Variants in WDR4 observed in about 807,000 individuals in gnomAD.
The protein encoded by WDR4 is WDR4 tRNA N7-guanosine methyltransferase non-catalytic subunit.
In WDR4, 47 loss-of-function variants were observed where a neutral mutation model predicts 48.6. The ratio of observed to expected loss-of-function variants is 0.97; its 90% CI spans 0.77 to 1.23. The LOEUF (loss-of-function observed/expected upper bound fraction) is 1.23. Ranked by LOEUF, WDR4 falls within the 50% of genes most tolerant of loss-of-function variation. The pLI, the probability that WDR4 is intolerant of heterozygous loss-of-function variation, is 0.00. For missense variants in WDR4, 606 were observed against 551.6 expected, an observed-to-expected ratio of 1.10 and a Z score of -0.99; for synonymous variants, 268 against 230.0, an observed-to-expected ratio of 1.17 and a Z score of -1.49.
chr21:42,848,357 C>A (rs1439712446), downstream of WDR4, among the ~76,000 whole-genome samples: 1 of 149,912 alleles, frequency 6.7e-6, no homozygotes, highest in African/African-American at 2.5e-5. Context: ...ACACACACAG[C>A]GCACGATCAC....
intron 3 of WDR4, among the ~76,000 whole-genome samples, chr21:42,863,823 C>G (rs918296858): frequency 1.3e-5 from 2 of 151,580 alleles, no homozygotes; most frequent in Non-Finnish European, 2.9e-5. Flanking sequence ...AAAATTGCTC[C>G]TAGCCGGGCG....
In WDR4 at chr21:42,862,314, A is replaced by G; in HGVS notation, c.534T>C (p.His178=). The G allele has an allele frequency of 6.2e-7, 1 of 1,611,196 alleles. No individual in the cohort carries two copies. Among genetic ancestry groups the G allele is most frequent in the South Asian group, 1.1e-5 (1 of 90,412 alleles). The part of the protein sequence containing the change: ...KIRVSWAAAP[H]SIESFCLGHT... ...GCCCCAAGCAGAAGGACTCGATGCT[A>G]TGGGGCGCCGCGGCCCAGCTGACTC... The change falls in exon 5 of 11, where the codon CAT becomes CAC. Residue 178 remains histidine, a synonymous_variant. Transcript: ENST00000398208. This position sits in a 1 kb window ranked among gnomAD's most constrained non-coding sequence, Gnocchi z 4.3.
chr21:42,863,391 C>A (rs200409632), intron 4 of WDR4, 49 bp downstream of exon 4: 13 of 1,580,444 alleles, frequency 8.2e-6, no homozygotes, highest in African/African-American at 6.8e-5. Flanking sequence ...CCCCCATGTA[C>A]CGTGTCCCAC....
intron 3 of WDR4, among the ~76,000 whole-genome samples, chr21:42,867,853 C>A (rs2058283228): frequency 6.6e-6 from 1 of 152,068 alleles, no homozygotes; most frequent in African/African-American, 2.4e-5. Context: ...GCATGAGCCA[C>A]CATGCCAGCC....
At chr21:42,861,178 G>C (rs995922787) in intron 5 of WDR4, among the ~76,000 whole-genome samples, 2 of 152,160 alleles carry the variant, frequency 1.3e-5, no homozygotes, top group South Asian at 4.1e-4. Flanking sequence ...GCCGGGCGTG[G>C]TGGCAGGGGC....
chr21:42,883,056 G>A (rs535867290), upstream of WDR4, among the ~76,000 whole-genome samples: 2 of 139,322 alleles, frequency 1.4e-5, no homozygotes, highest in South Asian at 2.2e-4. Context: ...CCGAGATCAT[G>A]CCACTGCACT....
Position 42,863,349 on chromosome 21 carries a change from CAT to C in WDR4, c.453+89_453+90del. On this transcript the variant is annotated intron_variant, in intron 4 of 10. Coordinates refer to ENST00000398208, the MANE Select transcript of WDR4 (RefSeq NM_018669.6). ...GGTGCCTGAGCCTTGACAGGGTAGA[CAT>C]TGACTCAGCGTATGCCCCACGTGCC... is the stretch of plus-strand genomic sequence containing the variant. The C allele has an allele frequency of 2.0e-6, 3 of 1,470,134 alleles. No individual in the cohort carries two copies. In the South Asian group the frequency reaches 4.0e-5, roughly 19 times the overall value. 91.1% of individuals were successfully genotyped at this position (1,470,134 alleles called of 1,614,324 possible).
At position 42,864,359 on chromosome 21, in the gene WDR4, C is replaced by T. The variant is rs1198396811; in HGVS notation, c.297-763G>A. 2.0e-5 allele frequency among the ~76,000 whole-genome samples: 3 copies of T among 152,026 alleles called. No individual in the cohort carries two copies. The South Asian group carries it at 6.2e-4, about 32-fold the overall frequency. The stretch of plus-strand genomic sequence containing the variant: ...CAAAGGCAGGCACCAGTCTCCAGGG[C>T]CCCCCAGCCTTGCCGCTCCCCTGAC... On this transcript the variant is annotated intron_variant, in intron 3 of 10. Transcript: ENST00000398208.
chr21:42,881,320 A>C (rs986801890), upstream of WDR4, among the ~76,000 whole-genome samples: 4 of 152,218 alleles, frequency 2.6e-5, no homozygotes, highest in African/African-American at 9.6e-5. Flanking sequence ...ACTTACTTTG[A>C]GAACTTGTTA....
chr21:42,846,111 C>A (rs892301537), downstream of WDR4, among the ~76,000 whole-genome samples: 14 of 151,838 alleles, frequency 9.2e-5, no homozygotes, highest in Admixed American at 8.5e-4. Flanking sequence ...GGTAACAGAG[C>A]AAGACCCTGT....
downstream of WDR4, among the ~76,000 whole-genome samples, chr21:42,844,947 C>A (rs1025191465): frequency 2.6e-5 from 4 of 152,192 alleles, no homozygotes; most frequent in Non-Finnish European, 4.4e-5. Context: ...CCTGTGGAGT[C>A]CCTCCAGCTC....
downstream of WDR4, among the ~76,000 whole-genome samples, chr21:42,848,295 C>T (rs532844407): frequency 2.0e-5 from 3 of 152,078 alleles, no homozygotes; most frequent in Non-Finnish European, 2.9e-5. Flanking sequence ...CCAAATCACG[C>T]GGCGCACACC....
intron 10 of WDR4, among the ~76,000 whole-genome samples, chr21:42,850,859 G>A (rs2057806866): frequency 6.6e-6 from 1 of 152,188 alleles, no homozygotes; most frequent in African/African-American, 2.4e-5. Context: ...AGGATTGGGG[G>A]CAATGACTGA....
At chr21:42,863,833 G>C (rs957073249) in intron 3 of WDR4, among the ~76,000 whole-genome samples, 2 of 150,428 alleles carry the variant, frequency 1.3e-5, no homozygotes, top group Non-Finnish European at 2.9e-5. Context: ...CTAGCCGGGC[G>C]CAGTGGCTCA....
intron 3 of WDR4, among the ~76,000 whole-genome samples, chr21:42,871,919 T>G (rs969480377): frequency 6.6e-6 from 1 of 152,178 alleles, no homozygotes. Flanking sequence ...GTTTCAGGGC[T>G]TTCTTTTTAA....
At chr21:42,866,868 G>GA (rs1240330725) in intron 3 of WDR4, among the ~76,000 whole-genome samples, 1 of 152,174 alleles carries the variant, frequency 6.6e-6, no homozygotes, top group Non-Finnish European at 1.5e-5. Context: ...AAGAGATGTT[G>GA]AAAGTGGCAG....
At chr21:42,852,889 T>A (rs538754801) in intron 9 of WDR4, among the ~76,000 whole-genome samples, 1 of 143,880 alleles carries the variant, frequency 7.0e-6, no homozygotes, top group East Asian at 2.0e-4. Flanking sequence ...TACTCCAGCC[T>A]GGGCAACACG....
At chr21:42,853,836 C>T (rs968756865) in intron 8 of WDR4, 84 bp from the exon 9 acceptor site, 9 of 1,411,810 alleles carry the variant, frequency 6.4e-6, no homozygotes, top group Non-Finnish European at 8.6e-6. Flanking sequence ...GACGGTGCAG[C>T]CCTCGCCGGT....
At chr21:42,858,207 C>G (rs8129071) in intron 6 of WDR4, among the ~76,000 whole-genome samples, 64,939 of 152,112 alleles carry the variant, frequency 0.43, 15,311 homozygotes, top group African/African-American at 0.63. Flanking sequence ...TGCCCCAGGT[C>G]GGAGGACACT....
Sources: allele counts gnomAD v4.1 joint callset (sites outside exome capture counted in the v4.1 genomes callset), GRCh38; gene constraint gnomAD v4.1.1; non-coding constraint Gnocchi (gnomAD v3.1); transcripts MANE v1.5; gene names NCBI Gene and HGNC (gene_info 2026-07-23, HGNC 2026-07-21).